The following TMC2 variants were observed in gnomAD, a reference collection of about 807,000 sequenced individuals.
TMC2 encodes transmembrane channel like 2.
Under a neutral mutation model 105.9 loss-of-function variants are expected in TMC2, and 102 were observed. That is an observed-to-expected ratio of 0.96 (90% CI 0.82 to 1.14). TMC2 has a LOEUF of 1.14. Ranked by LOEUF, TMC2 falls within the 50% of genes most tolerant of loss-of-function variation. The pLI, the probability that TMC2 is intolerant of heterozygous loss-of-function variation, is 0.00. For synonymous variants in TMC2, 402 were observed against 422.8 expected, an observed-to-expected ratio of 0.95 and a Z score of 0.60; for missense variants, 1,093 against 1,134.3, an observed-to-expected ratio of 0.96 and a Z score of 0.52.
At chr20:2,599,128 C>T (rs2086330807) in intron 10 of TMC2, among the ~76,000 whole-genome samples, 2 of 151,876 alleles carry the variant, frequency 1.3e-5, no homozygotes, top group South Asian at 4.2e-4. Context: ...AACTCCTGAC[C>T]TCAAATGATC....
At position 2,610,619 on chromosome 20, in the gene TMC2, C is replaced by T. The variant is rs373555647; in HGVS notation, c.1593+21C>T. ...TCAAGGTAAAAACCACAACACCCCC[C>T]ACCCCACTGCAATTCCTGGTGCCCA... is the stretch of plus-strand genomic sequence containing the variant. On this transcript the variant is annotated intron_variant, in intron 12 of 19. Coordinates refer to ENST00000358864, the MANE Select transcript of TMC2 (RefSeq NM_080751.3). The T allele has an allele frequency of 1.6e-5, 24 of 1,456,054 alleles. No homozygotes were observed. The African/African-American group carries it at 3.0e-4, about 18-fold the overall frequency. The allele number at this position is 1,456,054 out of a possible 1,614,324, so 90.2% of individuals were successfully genotyped here. A position where few individuals can be genotyped will look rare whatever the true frequency, so the allele number is the denominator to read the frequency against.
At chr20:2,610,336 G>T in intron 11 of TMC2, 83 bp from the exon 12 acceptor site, 1 of 1,301,344 alleles carries the variant, frequency 7.7e-7, no homozygotes, top group South Asian at 1.5e-5. Flanking sequence ...GAGAAGTGGA[G>T]ATGGATGGCC....
chr20:2,563,158 G>A (rs6036974), intron 4 of TMC2, among the ~76,000 whole-genome samples: 99,961 of 151,872 alleles, frequency 0.66, 33,666 homozygotes, highest in African/African-American at 0.8. Context: ...CTCATTGCTC[G>A]TTCAAACTCC....
chr20:2,619,226 C>T (rs546080897), intron 16 of TMC2, among the ~76,000 whole-genome samples: 1 of 152,174 alleles, frequency 6.6e-6, no homozygotes, highest in African/African-American at 2.4e-5. Context: ...TCACAAGCAG[C>T]CGTGAGACAG....
chr20:2,543,907 T>G (rs1168708053), intron 2 of TMC2, among the ~76,000 whole-genome samples: 2 of 151,198 alleles, frequency 1.3e-5, no homozygotes, highest in Non-Finnish European at 3.0e-5. Context: ...ATGTCAGTTT[T>G]TTTTTTTTTT....
intron 2 of TMC2, among the ~76,000 whole-genome samples, chr20:2,542,249 G>A (rs1295676906): frequency 6.6e-6 from 1 of 152,174 alleles, no homozygotes; most frequent in Non-Finnish European, 1.5e-5. Context: ...TATCTTAGAG[G>A]TATATATCAT....
chr20:2,551,672 G>T (rs2085957572), intron 2 of TMC2, among the ~76,000 whole-genome samples: 1 of 152,084 alleles, frequency 6.6e-6, no homozygotes, highest in Admixed American at 6.6e-5. Context: ...GTTAATTTTT[G>T]TGAAAGGCAT....
intron 17 of TMC2, among the ~76,000 whole-genome samples, chr20:2,634,274 C>T (rs1487923422): frequency 1.3e-5 from 2 of 152,218 alleles, no homozygotes; most frequent in Non-Finnish European, 2.9e-5. Flanking sequence ...GCCTCTCCTT[C>T]AGCACCCTCT....
chr20:2,572,336 T>A, intron 5 of TMC2, 67 bp downstream of exon 5: 2 of 1,278,458 alleles, frequency 1.6e-6, no homozygotes, highest in Non-Finnish European at 2.3e-6. Flanking sequence ...GGCGACCAAC[T>A]TCGGCAACTG....
intron 8 of TMC2, among the ~76,000 whole-genome samples, chr20:2,594,614 G>C (rs2086292027): frequency 6.6e-6 from 1 of 152,180 alleles, no homozygotes; most frequent in African/African-American, 2.4e-5. Flanking sequence ...AGGAAATAGA[G>C]GGAATGAAGG....
intron 2 of TMC2, among the ~76,000 whole-genome samples, chr20:2,545,340 C>A (rs771411313): frequency 6.6e-6 from 1 of 152,136 alleles, no homozygotes; most frequent in Non-Finnish European, 1.5e-5. Context: ...CAAACCAGGG[C>A]CCAGTTTTTC....
At chr20:2,623,918 G>T (rs1433171658) in intron 16 of TMC2, among the ~76,000 whole-genome samples, 10 of 152,172 alleles carry the variant, frequency 6.6e-5, no homozygotes, top group African/African-American at 1.9e-4. Context: ...CTCCATGTTG[G>T]CCTGGTAGCT....
Position 2,586,760 on chromosome 20 carries a change from C to T in TMC2, c.835-5550C>T, listed in dbSNP as rs539171311. Among the ~76,000 whole-genome samples the T allele has an allele frequency of 6.6e-5, 10 of 151,756 alleles. No homozygotes were observed. The South Asian group carries it at 1.7e-3, about 25-fold the overall frequency. ...GCCCCACCTCCAACACTGGGAATCACATTTCAACATGAGAGTTGGAAGGGA... is the reference window on the plus strand; with the variant it reads ...GCCCCACCTCCAACACTGGGAATCATATTTCAACATGAGAGTTGGAAGGGA... On this transcript the variant is annotated intron_variant, in intron 7 of 19. Coordinates refer to ENST00000358864, the MANE Select transcript of TMC2 (RefSeq NM_080751.3).
chr20:2,582,636 C>T (rs1209597555), intron 7 of TMC2, among the ~76,000 whole-genome samples: 1 of 151,834 alleles, frequency 6.6e-6, no homozygotes, highest in Non-Finnish European at 1.5e-5. Context: ...CCACCAGACC[C>T]GGCTAGTTTT....
intron 17 of TMC2, among the ~76,000 whole-genome samples, chr20:2,626,609 T>C (rs541848562): frequency 6.6e-6 from 1 of 152,344 alleles, no homozygotes; most frequent in Non-Finnish European, 1.5e-5. Context: ...GGAGTCATAG[T>C]ATTGTGGCCA....
Position 2,558,388 on chromosome 20 carries a change from C to T in TMC2, c.83-68C>T, listed in dbSNP as rs1256689016. 3.2e-6 allele frequency: 5 copies of T among 1,540,082 alleles called. No individual in the cohort carries two copies. The highest frequency in any genetic ancestry group is 1.4e-5 in the African/African-American group (1 of 72,802). ...ATCATCTTGGACGTCTGATTTCTCA[C>T]GGCCGGGGACATTTTCCTGGGCCTG... On this transcript the variant is annotated intron_variant, in intron 2 of 19. Transcript: ENST00000358864. This position sits in a 1 kb window ranked among gnomAD's most constrained non-coding sequence, Gnocchi z 4.6.
Position 2,617,175 on chromosome 20 carries a change from CA to C in TMC2, c.2045del (p.His682LeufsTer79). ...CWAVMSSNVP[H>X]ERVFKASRSN... Reference sequence around the variant, plus strand: ...GGCGGTGATGAGCAGCAACGTACCCCATGAACGCGTGTTCAAAGCCTCCCGA... The same window carrying C: ...GGCGGTGATGAGCAGCAACGTACCCCTGAACGCGTGTTCAAAGCCTCCCGA... On this transcript the variant is annotated frameshift_variant, in exon 16 of 20. Coordinates refer to ENST00000358864, the MANE Select transcript of TMC2 (RefSeq NM_080751.3). LOFTEE classifies it high-confidence loss of function. The C allele has an allele frequency of 6.2e-7, 1 of 1,614,230 alleles. No individual in the cohort carries two copies. Among genetic ancestry groups the C allele is most frequent in the African/African-American group, 1.3e-5 (1 of 75,056 alleles).
At chr20:2,641,073 C>T in intron 19 of TMC2, 61 bp from the exon 20 acceptor site, 2 of 1,482,752 alleles carry the variant, frequency 1.3e-6, no homozygotes, top group Non-Finnish European at 1.9e-6. Context: ...CTCCAGAGAG[C>T]TCCAATCCAA....
At chr20:2,632,203 G>A (rs2086608709) in intron 17 of TMC2, among the ~76,000 whole-genome samples, 1 of 151,958 alleles carries the variant, frequency 6.6e-6, no homozygotes, top group African/African-American at 2.4e-5. Flanking sequence ...TGTATTTTTA[G>A]TAGAGATGGG....
Sources: allele counts gnomAD v4.1 joint callset (sites outside exome capture counted in the v4.1 genomes callset), GRCh38; gene constraint gnomAD v4.1.1; non-coding constraint Gnocchi (gnomAD v3.1); transcripts MANE v1.5; gene names NCBI Gene and HGNC (gene_info 2026-07-23, HGNC 2026-07-21).